Variants in GLMN observed in about 807,000 individuals in gnomAD.
GLMN encodes glomulin.
In GLMN, 75 loss-of-function variants were observed where a neutral mutation model predicts 87.8. That is an observed-to-expected ratio of 0.85 (90% CI 0.71 to 1.04). GLMN has a LOEUF of 1.04. Ranked by LOEUF, GLMN falls within the 50% of genes least tolerant of loss-of-function variation. GLMN has a pLI of 0.00. For synonymous variants in GLMN, 206 were observed against 221.6 expected, an observed-to-expected ratio of 0.93 and a Z score of 0.63; for missense variants, 588 against 658.8, an observed-to-expected ratio of 0.89 and a Z score of 1.18.
At chr1:92,297,938 A>C (rs1423793495) in intron 2 of GLMN, 23 bp downstream of exon 2, 1 of 1,142,754 alleles carries the variant, frequency 8.8e-7, no homozygotes, top group Non-Finnish European at 1.3e-6. Flanking sequence ...AAGGTATTTA[A>C]TTTTACAAAA....
At chr1:92,257,108 A>G (rs1024916419) in intron 16 of GLMN, among the ~76,000 whole-genome samples, 24 of 151,944 alleles carry the variant, frequency 1.6e-4, no homozygotes, top group African/African-American at 5.8e-4. Context: ...CTATACACCA[A>G]TAATAAACAG....
chr1:92,332,812 A>G, the GLMN span, among the ~76,000 whole-genome samples: 2 of 152,138 alleles, frequency 1.3e-5, no homozygotes, highest in Non-Finnish European at 1.5e-5. Context: ...TCAATATCTA[A>G]TTAGAAAATT....
At chr1:92,293,613 C>T (rs2101053237) in intron 3 of GLMN, among the ~76,000 whole-genome samples, 1 of 152,146 alleles carries the variant, frequency 6.6e-6, no homozygotes, top group African/African-American at 2.4e-5. Flanking sequence ...TGGGTATATA[C>T]CCAAAAGAAA....
the GLMN span, among the ~76,000 whole-genome samples, chr1:92,350,945 G>A: frequency 6.6e-6 from 1 of 151,280 alleles, no homozygotes; most frequent in African/African-American, 2.4e-5. Context: ...ATAAAAGATA[G>A]TCTTCTATAA....
the GLMN span, among the ~76,000 whole-genome samples, chr1:92,366,619 TAACA>T: frequency 2.0e-5 from 3 of 152,102 alleles, no homozygotes; most frequent in African/African-American, 4.8e-5. Flanking sequence ...TTTTCCTCAA[TAACA>T]AACAAGCAAG....
the GLMN span, among the ~76,000 whole-genome samples, chr1:92,332,101 CT>C: frequency 6.6e-6 from 1 of 151,602 alleles, no homozygotes; most frequent in African/African-American, 2.4e-5. Flanking sequence ...CATTCTGCCT[CT>C]TCTCTTTAGT....
the GLMN span, among the ~76,000 whole-genome samples, chr1:92,362,126 A>G: frequency 1.3e-5 from 2 of 152,204 alleles, no homozygotes; most frequent in Non-Finnish European, 2.9e-5. Context: ...GCAAACTTAA[A>G]TGAAAGTTAT....
At chr1:92,356,866 C>T in the GLMN span, among the ~76,000 whole-genome samples, 1 of 151,696 alleles carries the variant, frequency 6.6e-6, no homozygotes, top group African/African-American at 2.4e-5. Flanking sequence ...AGTTCAAGAC[C>T]AACCTGGCCA....
At chr1:92,368,176 T>G in the GLMN span, among the ~76,000 whole-genome samples, 4 of 152,106 alleles carry the variant, frequency 2.6e-5, no homozygotes, top group South Asian at 8.3e-4. Flanking sequence ...GTCAGGAGTT[T>G]GAGACCAGCC....
At chr1:92,316,923 T>C in the GLMN span, among the ~76,000 whole-genome samples, 1 of 152,192 alleles carries the variant, frequency 6.6e-6, no homozygotes, top group Non-Finnish European at 1.5e-5. Context: ...AGGGAAGGTA[T>C]TTAAGGTTCC....
chr1:92,263,940 A>G (rs1655320599), intron 14 of GLMN, among the ~76,000 whole-genome samples: 1 of 152,218 alleles, frequency 6.6e-6, no homozygotes, highest in East Asian at 1.9e-4. Flanking sequence ...ATTTAGAATT[A>G]CTGAGCACTC....
At chr1:92,332,373 A>T in the GLMN span, among the ~76,000 whole-genome samples, 1 of 152,038 alleles carries the variant, frequency 6.6e-6, no homozygotes, top group African/African-American at 2.4e-5. Flanking sequence ...TTTTTCTTTG[A>T]ATATATTAAA....
chr1:92,343,628 A>G, the GLMN span, among the ~76,000 whole-genome samples: 1 of 152,234 alleles, frequency 6.6e-6, no homozygotes, highest in Non-Finnish European at 1.5e-5. Context: ...TAATTTATTC[A>G]AAAAGTATTA....
At chr1:92,288,204 T>C (rs1648996547) in intron 6 of GLMN, among the ~76,000 whole-genome samples, 2 of 152,146 alleles carry the variant, frequency 1.3e-5, no homozygotes, top group East Asian at 1.9e-4. Context: ...ACTCTACCAC[T>C]ATTTTTGTGG....
chr1:92,247,519 TA>T (rs1175739884), intron 17 of GLMN, among the ~76,000 whole-genome samples: 3 of 152,096 alleles, frequency 2.0e-5, no homozygotes, highest in African/African-American at 7.2e-5. Context: ...ATTATTGACT[TA>T]AAAAAATTCT....
chr1:92,285,024 A>T, intron 7 of GLMN, among the ~76,000 whole-genome samples: 1 of 152,166 alleles, frequency 6.6e-6, no homozygotes, highest in East Asian at 1.9e-4. Context: ...TGGGAGTGTA[A>T]ATTAGTTCAA....
At chr1:92,263,502 T>C in intron 15 of GLMN, 121 bp downstream of exon 15, 1 of 730,342 alleles carries the variant, frequency 1.4e-6, no homozygotes, top group Admixed American at 2.0e-5. Flanking sequence ...TGTAACTTAA[T>C]GAATTAGCCA....
At chr1:92,336,528 A>G in the GLMN span, 1,084 of 749,490 alleles carry the variant, frequency 1.4e-3, 1 homozygote, top group African/African-American at 0.017. Context: ...TTACCTTTCA[A>G]TGTCACAGAT....
At chr1:92,307,118 T>C in the GLMN span, 2 of 1,020,192 alleles carry the variant, frequency 2.0e-6, no homozygotes, top group Non-Finnish European at 2.9e-6. Flanking sequence ...ATTTATGTTT[T>C]ATACTCTCAA....
Sources: gnomAD v4.1 joint callset for allele counts (sites outside exome capture counted in the v4.1 genomes callset) on GRCh38, gnomAD v4.1.1 for gene constraint, MANE v1.5 for transcripts, NCBI Gene and HGNC (gene_info 2026-07-23, HGNC 2026-07-21) for gene names.